Variants in CDH1 observed in about 807,000 individuals in gnomAD.
The protein encoded by CDH1 is cadherin 1.
A neutral mutation model predicts 84.5 loss-of-function variants in CDH1; 35 were observed. The observed-to-expected ratio is 0.41, with a 90% confidence interval of 0.32 to 0.55. CDH1 has a LOEUF of 0.55. Among genes scored for constraint, CDH1 ranks in the 20% least tolerant of loss-of-function variants. CDH1 has a pLI of 0.19. For synonymous variants in CDH1, 417 were observed against 439.0 expected (o/e 0.95, Z 0.63); for missense variants, 994 against 1,126.6 (o/e 0.88, Z 1.68).
chr16:68,815,363 TG>T (rs1204180901), intron 9 of CDH1, 151 bp from the exon 10 acceptor site: 23 of 924,858 alleles, frequency 2.5e-5, no homozygotes, highest in Non-Finnish European at 3.4e-5. Context: ...TAAGTAATTG[TG>T]GTTTCTGCCA....
intron 2 of CDH1, among the ~76,000 whole-genome samples, chr16:68,788,293 T>G (rs1567495189): frequency 6.6e-6 from 1 of 152,202 alleles, no homozygotes; most frequent in Non-Finnish European, 1.5e-5. Context: ...TTCATTGAGA[T>G]TTAATTTACA....
intron 2 of CDH1, among the ~76,000 whole-genome samples, chr16:68,760,988 A>T (rs1959215759): frequency 6.6e-6 from 1 of 152,086 alleles, no homozygotes; most frequent in South Asian, 2.1e-4. Flanking sequence ...AATATGACAG[A>T]TGGTATATTT....
rs1960840611 is a variant in CDH1 at position 68,811,795 on chromosome 16, A to C, written c.944A>C (p.Asn315Thr). The C allele has an allele frequency of 6.2e-7, 1 of 1,614,154 alleles. No homozygotes were observed. The highest frequency in any genetic ancestry group is 1.1e-5 in the South Asian group (1 of 91,088). Residue 315 changes from asparagine (N) to threonine (T), a missense_variant, in exon 7 of 16, where the codon AAT (asparagine) becomes ACT (threonine). Physicochemically the swap from Asn to Thr is moderately conservative, Grantham distance 65. Coordinates refer to ENST00000261769, the MANE Select transcript of CDH1 (RefSeq NM_004360.5). ...CAAGATCCTGAGCTCCCTGACAAAA[A>C]TATGTTCACCATTAACAGGAACACA... ...LSQDPELPDK[N>T]MFTINRNTGV...
chr16:68,763,944 C>T (rs1278330280), intron 2 of CDH1, among the ~76,000 whole-genome samples: 1 of 152,096 alleles, frequency 6.6e-6, no homozygotes, highest in Non-Finnish European at 1.5e-5. Flanking sequence ...ACAACCTGGG[C>T]GAGAGCAGGT....
rs1172641021 is a variant in CDH1 at position 68,743,327 on chromosome 16, C to T, written c.163+4916C>T. ...TCTTTCTTTCTTTCTTTCTTTCTTT[C>T]TTTCTTTCTTTCTTTCTTTCTTTCT... On this transcript the variant is annotated intron_variant, in intron 2 of 15. Transcript: ENST00000261769. Among the ~76,000 whole-genome samples the T allele has an allele frequency of 8.3e-5, 2 of 24,098 alleles. 1 individual carries two copies. The highest frequency in any genetic ancestry group is 2.4e-3 in the South Asian group (2 of 844). The allele number at this position is 24,098 out of a possible 152,430, so 15.8% of individuals were successfully genotyped here.
chr16:68,781,507 A>AT (rs1959877155), intron 2 of CDH1, among the ~76,000 whole-genome samples: 1 of 151,812 alleles, frequency 6.6e-6, no homozygotes, highest in East Asian at 1.9e-4. Flanking sequence ...CACCTGGCTA[A>AT]TTTTTTCTTT....
At chr16:68,763,033 A>ACAG (rs1959271771) in intron 2 of CDH1, among the ~76,000 whole-genome samples, 1 of 150,926 alleles carries the variant, frequency 6.6e-6, no homozygotes, top group South Asian at 2.1e-4. Context: ...TCTCTTCCCC[A>ACAG]CAGCAAGGCT....
At chr16:68,749,822 G>T (rs1020738333) in intron 2 of CDH1, among the ~76,000 whole-genome samples, 3 of 152,160 alleles carry the variant, frequency 2.0e-5, no homozygotes, top group Non-Finnish European at 4.4e-5. Flanking sequence ...AGCATCTCCA[G>T]TGGGACCTGA....
rs553402231 is a variant in CDH1 at position 68,833,601 on chromosome 16, G to GA, written c.*110dup. The GA allele has an allele frequency of 5.7e-5, 49 of 855,266 alleles. No individual in the cohort carries two copies. The highest frequency in any genetic ancestry group is 1.7e-4 in the East Asian group (7 of 40,354). 53.0% of individuals were successfully genotyped at this position (855,266 alleles called of 1,614,324 possible). On this transcript the variant is annotated 3_prime_UTR_variant, in exon 16 of 16. Transcript: ENST00000261769. ...CCTTCCCTTGAGATGAGTTTCTGGG[G>GA]AAAAAAAAGAGACTGGTTAGTGATG...
intron 2 of CDH1, among the ~76,000 whole-genome samples, chr16:68,793,025 TC>T (rs1436773383): frequency 6.6e-6 from 1 of 152,064 alleles, no homozygotes; most frequent in Non-Finnish European, 1.5e-5. Context: ...CAAATAAACT[TC>T]CAGTCCCTGG....
intron 13 of CDH1, among the ~76,000 whole-genome samples, chr16:68,827,278 T>TAATA (rs988209635): frequency 1.1e-4 from 17 of 150,240 alleles, no homozygotes; most frequent in South Asian, 2.1e-4. Context: ...CTCAAAATAA[T>TAATA]AATAAATAAA....
At chr16:68,758,101 G>C (rs1963063368) in intron 2 of CDH1, among the ~76,000 whole-genome samples, 1 of 149,634 alleles carries the variant, frequency 6.7e-6, no homozygotes, top group South Asian at 2.1e-4. Context: ...GATGTGAGTT[G>C]CTGCACTGGC....
chr16:68,795,172 C>T (rs1046238876), intron 2 of CDH1, among the ~76,000 whole-genome samples: 2 of 151,990 alleles, frequency 1.3e-5, no homozygotes, highest in South Asian at 2.1e-4. Flanking sequence ...TGCCAGAATC[C>T]CCAGTGTCAT....
intron 2 of CDH1, among the ~76,000 whole-genome samples, chr16:68,788,541 G>T (rs1960126578): frequency 6.6e-6 from 1 of 151,930 alleles, no homozygotes; most frequent in Non-Finnish European, 1.5e-5. Flanking sequence ...TCTTTCACTC[G>T]GTGTAATGCT....
rs878854679 is a variant in CDH1 at position 68,738,418 on chromosome 16, G to GCGCGCTGC, written c.163+10_163+17dup. 2 of 1,528,188 alleles carry GCGCGCTGC rather than the reference G, an allele frequency of 1.3e-6. No homozygotes were observed. Among genetic ancestry groups the GCGCGCTGC allele is most frequent in the African/African-American group, 2.8e-5 (2 of 72,552 alleles). The allele number at this position is 1,528,188 out of a possible 1,614,324, so 94.7% of individuals were successfully genotyped here. On this transcript the variant is annotated splice_region_variant and intron_variant, in intron 2 of 15. Transcript: ENST00000261769. Reference sequence around the variant, plus strand: ...GGCCGCGTCCTGGGCAGAGGTGAGGGCGCGCTGCCGGTGTCCCTGGGCGGA... The same window carrying GCGCGCTGC: ...GGCCGCGTCCTGGGCAGAGGTGAGGGCGCGCTGCCGCGCTGCCGGTGTCCCTGGGCGGA...
intron 11 of CDH1, among the ~76,000 whole-genome samples, chr16:68,820,775 A>G (rs1318475469): frequency 6.6e-6 from 1 of 152,138 alleles, no homozygotes; most frequent in African/African-American, 2.4e-5. Flanking sequence ...GTGTATTTAA[A>G]TACATTTATA....
At chr16:68,774,444 C>T (rs1373928178) in intron 2 of CDH1, among the ~76,000 whole-genome samples, 1 of 152,112 alleles carries the variant, frequency 6.6e-6, no homozygotes, top group Admixed American at 6.6e-5. Context: ...TGCTTGAACC[C>T]GGGAGGCAGA....
chr16:68,758,568 C>T (rs930709199), intron 2 of CDH1, among the ~76,000 whole-genome samples: 4 of 151,148 alleles, frequency 2.6e-5, no homozygotes, highest in Non-Finnish European at 5.9e-5. Flanking sequence ...TACTGCTCTC[C>T]AACCTGGTCA....
chr16:68,787,825 A>ATTTTTATT (rs1960100440), intron 2 of CDH1, among the ~76,000 whole-genome samples: 1 of 102,354 alleles, frequency 9.8e-6, no homozygotes, highest in Admixed American at 1.1e-4. Context: ...CGCCCGGCTA[A>ATTTTTATT]TTTTTTTTTT....
Sources: gnomAD v4.1 joint callset for allele counts (sites outside exome capture counted in the v4.1 genomes callset) on GRCh38, gnomAD v4.1.1 for gene constraint, MANE v1.5 for transcripts, NCBI Gene and HGNC (gene_info 2026-07-23, HGNC 2026-07-21) for gene names.